SLC24A2: variants seen among roughly 807,000 people sequenced by gnomAD.
The protein encoded by SLC24A2 is sodium/potassium/calcium exchanger 2.
SLC24A2 carries 36 observed loss-of-function variants against 62.0 expected under a neutral mutation model. The ratio of observed to expected loss-of-function variants is 0.58; its 90% CI spans 0.44 to 0.77. SLC24A2 has a LOEUF of 0.77. SLC24A2 is among the 30% of genes least tolerant of loss of function. The pLI, the probability that SLC24A2 is intolerant of heterozygous loss-of-function variation, is 0.00. For missense variants in SLC24A2, 846 were observed against 817.9 expected (o/e 1.03, Z -0.42); for synonymous variants, 358 against 294.0 (o/e 1.22, Z -2.23).
At chr9:19,718,284 C>CCT (rs1820919642) in intron 2 of SLC24A2, among the ~76,000 whole-genome samples, 1 of 55,714 alleles carries the variant, frequency 1.8e-5, no homozygotes, top group Non-Finnish European at 2.9e-5. Flanking sequence ...TGATTTAACA[C>CCT]TTTTTTTTTT....
At chr9:20,195,689 T>G in the SLC24A2 span, among the ~76,000 whole-genome samples, 2 of 152,146 alleles carry the variant, frequency 1.3e-5, no homozygotes, top group Admixed American at 6.6e-5. Flanking sequence ...GCCCTTTGCT[T>G]CACAGTTTCC....
chr9:19,906,263 T>A, the SLC24A2 span, among the ~76,000 whole-genome samples: 62 of 151,884 alleles, frequency 4.1e-4, no homozygotes, highest in African/African-American at 1.4e-3. Flanking sequence ...GAAATAAAGA[T>A]GTTCTTTGAA....
At chr9:19,654,439 T>A (rs143209333) in intron 2 of SLC24A2, among the ~76,000 whole-genome samples, 145 of 152,226 alleles carry the variant, frequency 9.5e-4, no homozygotes, top group African/African-American at 3.2e-3. Flanking sequence ...AGAACATGGT[T>A]TTCTCCTCAA....
chr9:20,143,616 T>C, the SLC24A2 span, among the ~76,000 whole-genome samples: 1 of 152,150 alleles, frequency 6.6e-6, no homozygotes, highest in African/African-American at 2.4e-5. Context: ...AATACATGAG[T>C]GTTTATTGAA....
chr9:19,655,199 C>T (rs1371977478), intron 2 of SLC24A2, among the ~76,000 whole-genome samples: 1 of 152,218 alleles, frequency 6.6e-6, no homozygotes, highest in Non-Finnish European at 1.5e-5. Context: ...AAATTCTTCA[C>T]AAAGCCCATC....
At chr9:19,708,632 C>T (rs1456281395) in intron 2 of SLC24A2, among the ~76,000 whole-genome samples, 1 of 152,110 alleles carries the variant, frequency 6.6e-6, no homozygotes, top group Non-Finnish European at 1.5e-5. Context: ...TTTTGACAAA[C>T]CTGACAAAAA....
chr9:20,166,553 A>G, the SLC24A2 span, among the ~76,000 whole-genome samples: 4 of 152,106 alleles, frequency 2.6e-5, no homozygotes, highest in South Asian at 8.3e-4. Flanking sequence ...AATGTACAGG[A>G]GTATATATGG....
chr9:19,647,184 T>C (rs1053818063), intron 2 of SLC24A2, among the ~76,000 whole-genome samples: 1 of 152,000 alleles, frequency 6.6e-6, no homozygotes, highest in Non-Finnish European at 1.5e-5. Context: ...GTTTCCCTAC[T>C]AGGTTGTGAA....
chr9:20,034,983 C>T, the SLC24A2 span, among the ~76,000 whole-genome samples: 1 of 151,674 alleles, frequency 6.6e-6, no homozygotes. Context: ...CCCAGGTTTT[C>T]CCAAGAAAAA....
the SLC24A2 span, among the ~76,000 whole-genome samples, chr9:20,247,392 T>A: frequency 1.3e-5 from 2 of 152,148 alleles, no homozygotes; most frequent in African/African-American, 4.8e-5. Flanking sequence ...AATTCGTATG[T>A]TGAAATCCTC....
At chr9:19,920,981 C>T in the SLC24A2 span, among the ~76,000 whole-genome samples, 2 of 151,462 alleles carry the variant, frequency 1.3e-5, no homozygotes, top group Non-Finnish European at 2.9e-5. Context: ...ATCATATTAC[C>T]TACCCTCATA....
At chr9:19,887,353 G>A in the SLC24A2 span, among the ~76,000 whole-genome samples, 2 of 152,042 alleles carry the variant, frequency 1.3e-5, no homozygotes, top group African/African-American at 2.4e-5. Flanking sequence ...CATTCTGTAG[G>A]TGTTCTGTTC....
the SLC24A2 span, among the ~76,000 whole-genome samples, chr9:20,146,275 T>C: frequency 6.6e-6 from 1 of 151,966 alleles, no homozygotes; most frequent in Non-Finnish European, 1.5e-5. Context: ...GGAAGGCAAA[T>C]GTTGGTAGGT....
intron 8 of SLC24A2, among the ~76,000 whole-genome samples, chr9:19,541,803 G>C (rs1834273987): frequency 6.7e-6 from 1 of 148,830 alleles, no homozygotes. Flanking sequence ...CCCTCCCCCA[G>C]CCTCGTTGCC....
chr9:19,994,896 G>A, the SLC24A2 span, among the ~76,000 whole-genome samples: 33 of 152,292 alleles, frequency 2.2e-4, no homozygotes, highest in African/African-American at 7.5e-4. Flanking sequence ...CAGAGTGAGC[G>A]GGTGGGATTT....
At chr9:20,056,375 G>T in the SLC24A2 span, among the ~76,000 whole-genome samples, 1 of 152,294 alleles carries the variant, frequency 6.6e-6, no homozygotes, top group Non-Finnish European at 1.5e-5. Flanking sequence ...AAGTCACATT[G>T]TTAGACAAGG....
the SLC24A2 span, among the ~76,000 whole-genome samples, chr9:20,117,616 T>C: frequency 6.6e-6 from 1 of 152,182 alleles, no homozygotes. Context: ...CTTATTATGT[T>C]TGTCGCTTTA....
chr9:19,542,470 T>G (rs772317729), intron 8 of SLC24A2, among the ~76,000 whole-genome samples: 1 of 152,176 alleles, frequency 6.6e-6, no homozygotes, highest in African/African-American at 2.4e-5. Context: ...GAACTTCCAA[T>G]ACTATATTGA....
intron 2 of SLC24A2, among the ~76,000 whole-genome samples, chr9:19,673,971 G>A (rs142212557): frequency 0.044 from 6,726 of 152,246 alleles, 182 homozygotes; most frequent in Middle Eastern, 0.15. Context: ...TAGAGGTTCT[G>A]TGAGATTTAT....
Sources: gnomAD v4.1 joint callset for allele counts (sites outside exome capture counted in the v4.1 genomes callset) on GRCh38, gnomAD v4.1.1 for gene constraint, MANE v1.5 for transcripts, NCBI Gene and HGNC (gene_info 2026-07-23, HGNC 2026-07-21) for gene names.